UBE2K: variants seen among roughly 807,000 people sequenced by gnomAD.
The protein encoded by UBE2K is ubiquitin conjugating enzyme E2 K.
A neutral mutation model predicts 30.0 loss-of-function variants in UBE2K; 6 were observed. The ratio of observed to expected loss-of-function variants is 0.20; its 90% CI spans 0.11 to 0.39. The LOEUF (loss-of-function observed/expected upper bound fraction) is 0.39, where lower values mean the gene tolerates loss of function less well. Ranked by LOEUF, UBE2K falls within the 10% of genes least tolerant of loss-of-function variation. The probability of loss-of-function intolerance (pLI) is 1.00; values close to 1 mark genes in which losing one functional copy is unlikely to be tolerated. For missense variants in UBE2K, 61 were observed against 241.6 expected, an observed-to-expected ratio of 0.25 and a Z score of 4.96; for synonymous variants, 86 against 83.7, an observed-to-expected ratio of 1.03 and a Z score of -0.15.
intron 1 of UBE2K, among the ~76,000 whole-genome samples, chr4:39,707,652 G>T (rs1718443700): frequency 6.6e-6 from 1 of 151,330 alleles, no homozygotes; most frequent in Non-Finnish European, 1.5e-5. Flanking sequence ...CTCCCGAGTA[G>T]CTGGGACTAC....
intron 1 of UBE2K, among the ~76,000 whole-genome samples, chr4:39,704,605 T>A (rs1718224064): frequency 6.6e-6 from 1 of 152,048 alleles, no homozygotes; most frequent in South Asian, 2.1e-4. Context: ...AGTGGCGTGA[T>A]CACAGTTCAC....
At chr4:39,734,441 AT>A (rs1720244949) in intron 1 of UBE2K, among the ~76,000 whole-genome samples, 2 of 151,936 alleles carry the variant, frequency 1.3e-5, no homozygotes, top group African/African-American at 2.4e-5. Flanking sequence ...TATTTAGTAC[AT>A]TTTTTCATAC....
chr4:39,768,747 C>T (rs1254267423), intron 4 of UBE2K, among the ~76,000 whole-genome samples: 1 of 152,152 alleles, frequency 6.6e-6, no homozygotes, highest in Non-Finnish European at 1.5e-5. Flanking sequence ...ATTTGTATTC[C>T]CACCAGCAGT....
intron 1 of UBE2K, among the ~76,000 whole-genome samples, chr4:39,718,132 A>G (rs1003127557): frequency 2.0e-5 from 3 of 152,134 alleles, no homozygotes; most frequent in Non-Finnish European, 4.4e-5. Flanking sequence ...CCCCACGCAC[A>G]TCCTGCTGAT....
chr4:39,713,350 A>AGGGT (rs1378248533), intron 1 of UBE2K, among the ~76,000 whole-genome samples: 2 of 112,116 alleles, frequency 1.8e-5, no homozygotes, highest in African/African-American at 3.6e-5. Context: ...TTCTGGAGTC[A>AGGGT]GGGTTTCGCT....
chr4:39,753,957 C>A (rs1011274259), intron 3 of UBE2K, among the ~76,000 whole-genome samples: 9 of 152,072 alleles, frequency 5.9e-5, no homozygotes, highest in Non-Finnish European at 1.0e-4. Context: ...CCCATCTTGC[C>A]ATGTTGGCGC....
intron 1 of UBE2K, among the ~76,000 whole-genome samples, chr4:39,720,420 A>G (rs1440384554): frequency 1.3e-5 from 2 of 151,842 alleles, no homozygotes; most frequent in African/African-American, 4.8e-5. Context: ...GTGTAACTTT[A>G]CATTTTTTAT....
Position 39,771,143 on chromosome 4 carries a change from C to T in UBE2K, c.300-3691C>T, listed in dbSNP as rs776330001. The T allele has an allele frequency of 1.1e-4, 170 of 1,612,686 alleles. 2 individuals are homozygous for T. The highest frequency in any genetic ancestry group is 1.0e-3 in the South Asian group (91 of 91,058). On this transcript the variant is annotated intron_variant, in intron 4 of 6. Coordinates refer to ENST00000261427, the MANE Select transcript of UBE2K (RefSeq NM_005339.5). The stretch of plus-strand genomic sequence containing the variant: ...GTGGCTGTAAGATAGTTGACGATGT[C>T]CCTAACAGCGAATTCCAGGGTGCCC...
intron 3 of UBE2K, among the ~76,000 whole-genome samples, chr4:39,752,961 A>C (rs1252126767): frequency 1.3e-5 from 2 of 152,146 alleles, no homozygotes. Flanking sequence ...TTAGGACTGC[A>C]GTGAGCCATG....
intron 3 of UBE2K, among the ~76,000 whole-genome samples, chr4:39,751,693 C>T (rs1031768490): frequency 6.6e-6 from 1 of 151,628 alleles, no homozygotes; most frequent in African/African-American, 2.4e-5. Context: ...ATAAAAAAGG[C>T]CACGCGCAGT....
rs1226984473 is a variant in UBE2K at position 39,782,359 on chromosome 4, A to G, written c.*3925A>G. ...GGGGGGAAAGAGACTTATTTAATGT[A>G]ATTTAAAAAACTTTTCCAATAGAAA... On this transcript the variant is annotated 3_prime_UTR_variant, in exon 7 of 7. Transcript: ENST00000261427. The G allele has an allele frequency of 2.3e-5, 4 of 173,222 alleles. No individual in the cohort carries two copies. The highest frequency in any genetic ancestry group is 3.6e-5 in the Non-Finnish European group (3 of 82,290). 10.7% of individuals were successfully genotyped at this position (173,222 alleles called of 1,614,324 possible).
chr4:39,725,952 A>C (rs540663424), intron 1 of UBE2K, among the ~76,000 whole-genome samples: 3 of 144,000 alleles, frequency 2.1e-5, no homozygotes, highest in African/African-American at 8.3e-5. Context: ...CTTTTTTTTT[A>C]AAATAGTATT....
At chr4:39,731,121 G>A (rs542320756) in intron 1 of UBE2K, among the ~76,000 whole-genome samples, 3 of 152,204 alleles carry the variant, frequency 2.0e-5, no homozygotes, top group African/African-American at 7.2e-5. Flanking sequence ...TCGAACTCCT[G>A]ACGTCAGGTG....
chr4:39,709,697 A>G (rs1021009511), intron 1 of UBE2K, among the ~76,000 whole-genome samples: 8 of 152,174 alleles, frequency 5.3e-5, no homozygotes, highest in African/African-American at 1.9e-4. Context: ...ATACAAAGGA[A>G]TATATGTGGG....
At chr4:39,721,139 TA>T (rs1210575354) in intron 1 of UBE2K, among the ~76,000 whole-genome samples, 2 of 152,184 alleles carry the variant, frequency 1.3e-5, no homozygotes, top group Non-Finnish European at 2.9e-5. Flanking sequence ...CTTCTTGGTT[TA>T]AGGGAGGCTA....
At chr4:39,703,842 C>T (rs1379704595) in intron 1 of UBE2K, among the ~76,000 whole-genome samples, 2 of 60,794 alleles carry the variant, frequency 3.3e-5, no homozygotes, top group Admixed American at 2.4e-4. Context: ...GAGACTCCAT[C>T]TCAAAAAAAA....
At chr4:39,731,871 A>G (rs1720093050) in intron 1 of UBE2K, among the ~76,000 whole-genome samples, 1 of 152,206 alleles carries the variant, frequency 6.6e-6, no homozygotes, top group South Asian at 2.1e-4. Flanking sequence ...CTCCTAAAAC[A>G]GTTGTGGCTT....
chr4:39,698,280 C>T lies in UBE2K; in HGVS notation c.-48C>T. The T allele has an allele frequency of 6.3e-7, 1 of 1,578,966 alleles. No individual in the cohort carries two copies. The highest frequency in any genetic ancestry group is 8.6e-7 in the Non-Finnish European group (1 of 1,157,786). ...AAGAGGTGGCGGCGGTGGCGGTGGT[C>T]GTAGCGGTGGCGGAGGAGGCGGGTA... On this transcript the variant is annotated 5_prime_UTR_variant, in exon 1 of 7. Transcript: ENST00000261427.
At chr4:39,764,461 G>A (rs1365603393) in intron 4 of UBE2K, among the ~76,000 whole-genome samples, 2 of 142,490 alleles carry the variant, frequency 1.4e-5, no homozygotes, top group Non-Finnish European at 3.0e-5. Context: ...TTTTGCCCCT[G>A]CCAGACATGG....
Sources: allele counts gnomAD v4.1 joint callset (sites outside exome capture counted in the v4.1 genomes callset), GRCh38; gene constraint gnomAD v4.1.1; transcripts MANE v1.5; gene names NCBI Gene and HGNC (gene_info 2026-07-23, HGNC 2026-07-21).